The following CA8 variants were observed in gnomAD, a reference collection of about 807,000 sequenced individuals.
The protein encoded by CA8 is carbonic anhydrase 8 (inactive).
A neutral mutation model predicts 41.4 loss-of-function variants in CA8; 22 were observed. That is an observed-to-expected ratio of 0.53 (90% CI 0.38 to 0.76). The LOEUF is 0.76. CA8 is among the 30% of genes least tolerant of loss of function. The pLI is 0.00. For synonymous variants in CA8, 121 were observed against 130.6 expected (o/e 0.93, Z 0.50); for missense variants, 270 against 352.8 (o/e 0.77, Z 1.88).
intron 3 of CA8, among the ~76,000 whole-genome samples, chr8:60,263,562 C>A (rs1317821528): frequency 1.3e-5 from 2 of 151,972 alleles, no homozygotes; most frequent in African/African-American, 2.4e-5. Context: ...GGAAAAAAAA[C>A]CATGTTCCCA....
intron 4 of CA8, among the ~76,000 whole-genome samples, chr8:60,230,352 G>T (rs945387907): frequency 6.6e-6 from 1 of 152,070 alleles, no homozygotes; most frequent in East Asian, 1.9e-4. Flanking sequence ...TAATCTCTAT[G>T]TCTGCAATAG....
At chr8:60,230,507 G>A (rs866629319) in intron 4 of CA8, among the ~76,000 whole-genome samples, 7 of 151,694 alleles carry the variant, frequency 4.6e-5, no homozygotes, top group African/African-American at 1.2e-4. Context: ...CAATGTCTCC[G>A]ACCTCCTCCC....
chr8:60,276,676 T>A (rs1804246411), intron 2 of CA8, among the ~76,000 whole-genome samples: 1 of 152,078 alleles, frequency 6.6e-6, no homozygotes, highest in Non-Finnish European at 1.5e-5. Flanking sequence ...TGGGTGACAG[T>A]TACACTAAAA....
At chr8:60,256,479 A>G (rs912077706) in intron 3 of CA8, among the ~76,000 whole-genome samples, 5 of 152,212 alleles carry the variant, frequency 3.3e-5, no homozygotes, top group Non-Finnish European at 1.5e-5. Flanking sequence ...TGGTGTGTAG[A>G]ACCCTACAAA....
At chr8:60,197,494 C>T (rs943892074) in intron 8 of CA8, among the ~76,000 whole-genome samples, 5 of 152,056 alleles carry the variant, frequency 3.3e-5, no homozygotes, top group East Asian at 1.9e-4. Context: ...AACCACCCTA[C>T]GAGGTAAATA....
intron 3 of CA8, among the ~76,000 whole-genome samples, chr8:60,243,469 C>T (rs1808113248): frequency 1.3e-5 from 2 of 152,020 alleles, no homozygotes; most frequent in South Asian, 4.2e-4. Context: ...CACATACCCT[C>T]CTACTACTTT....
Position 60,222,692 on chromosome 8 carries a change from G to A in CA8, c.695C>T (p.Thr232Ile). Residue 232 changes from threonine to isoleucine, a missense_variant, in exon 7 of 9, where the codon ACC (threonine) becomes ATC (isoleucine). Thr to Ile is a moderately conservative substitution (Grantham distance 89). This residue lies in a region of CA8 where 141 missense variants were observed against 191.6 expected (regional missense o/e 0.74). Coordinates refer to ENST00000317995, the MANE Select transcript of CA8 (RefSeq NM_004056.6). Reference protein sequence around the residue: ...LTIPPCSEGVTWILFRYPLTI... With the variant: ...LTIPPCSEGVIWILFRYPLTI... ...TAAAGGGTATCGGAATAATATCCAG[G>A]TGACACCTTCACTGCAAGGTGGGAT... 1 of 1,613,552 alleles carries A rather than the reference G, an allele frequency of 6.2e-7. No homozygotes were observed. The highest frequency in any genetic ancestry group is 8.5e-7 in the Non-Finnish European group (1 of 1,179,448).
chr8:60,264,493 C>G (rs1392726321), intron 3 of CA8, among the ~76,000 whole-genome samples: 1 of 152,164 alleles, frequency 6.6e-6, no homozygotes, highest in Non-Finnish European at 1.5e-5. Flanking sequence ...TTGATGCATT[C>G]TGGTATGAAT....
chr8:60,191,371 C>T (rs1806123522), intron 8 of CA8, among the ~76,000 whole-genome samples: 1 of 151,846 alleles, frequency 6.6e-6, no homozygotes, highest in African/African-American at 2.4e-5. Flanking sequence ...GTTAATGGGG[C>T]CTAAAGGTCA....
At chr8:60,275,892 T>C (rs1327468340) in intron 2 of CA8, among the ~76,000 whole-genome samples, 1 of 152,168 alleles carries the variant, frequency 6.6e-6, no homozygotes, top group African/African-American at 2.4e-5. Flanking sequence ...CGGCGCTAGA[T>C]CTTTCAACTG....
intron 8 of CA8, among the ~76,000 whole-genome samples, chr8:60,200,140 TGTGAGGACACA>T (rs1806381594): frequency 6.6e-6 from 1 of 152,234 alleles, no homozygotes; most frequent in African/African-American, 2.4e-5. Context: ...CCTTCTACCA[TGTGAGGACACA>T]GTGAGAAGGC....
chr8:60,266,037 C>A lies in CA8; in HGVS notation c.305G>T (p.Gly102Val). ...AAATTCATGCCCTTGAGGCAATGGT[C>A]CTCCCGAAAGAACTGAAAAAGAAAA... ...ILKSKSVLSG[G>V]PLPQGHEFEL... Residue 102 changes from glycine to valine, a missense_variant, in exon 3 of 9, where the codon GGA (glycine) becomes GTA (valine). Transcript: ENST00000317995. 6.2e-7 allele frequency: 1 copy of A among 1,613,678 alleles called. No homozygotes were observed. Among genetic ancestry groups the A allele is most frequent in the Non-Finnish European group, 8.5e-7 (1 of 1,179,680 alleles).
At chr8:60,261,018 T>A (rs1405762030) in intron 3 of CA8, among the ~76,000 whole-genome samples, 2 of 152,026 alleles carry the variant, frequency 1.3e-5, no homozygotes, top group African/African-American at 4.8e-5. Context: ...GGAGCAGCAA[T>A]CTTAAAGACC....
At chr8:60,204,959 A>G (rs1200134737) in intron 8 of CA8, among the ~76,000 whole-genome samples, 2 of 152,158 alleles carry the variant, frequency 1.3e-5, no homozygotes, top group Non-Finnish European at 2.9e-5. Context: ...TAGGTTATCA[A>G]AGAAGACTGA....
intron 7 of CA8, among the ~76,000 whole-genome samples, chr8:60,214,043 T>C (rs1806932419): frequency 6.6e-6 from 1 of 152,222 alleles, no homozygotes; most frequent in Non-Finnish European, 1.5e-5. Flanking sequence ...CAGCAATCTG[T>C]GCTTCAACAA....
At chr8:60,230,197 C>A (rs1585879506) in intron 4 of CA8, among the ~76,000 whole-genome samples, 1 of 152,320 alleles carries the variant, frequency 6.6e-6, no homozygotes, top group African/African-American at 2.4e-5. Flanking sequence ...TGTGTCCACA[C>A]TTTCCTCCTG....
intron 7 of CA8, among the ~76,000 whole-genome samples, chr8:60,220,749 A>T (rs10103858): frequency 0.35 from 52,466 of 151,954 alleles, 9,680 homozygotes; most frequent in Admixed American, 0.43. Flanking sequence ...TCTTCTTGGG[A>T]ATGAAGCTAG....
chr8:60,241,271 A>G (rs1392723990), intron 3 of CA8, among the ~76,000 whole-genome samples: 1 of 152,232 alleles, frequency 6.6e-6, no homozygotes, highest in Non-Finnish European at 1.5e-5. Flanking sequence ...TCGAAATTCT[A>G]TCTCTAGCTA....
In CA8 at chr8:60,206,969, C is replaced by A. The variant is rs114820076; in HGVS notation, c.*35+1781G>T. 2.6e-5 allele frequency among the ~76,000 whole-genome samples: 4 copies of A among 152,152 alleles called. No individual in the cohort carries two copies. The South Asian group carries it at 6.2e-4, about 24-fold the overall frequency. ...AAAAAAAAAAAGACTTCTTCAATCCCACCCCGTCTCTGTTGCTGCGGCCTC... is the reference window on the plus strand; with the variant it reads ...AAAAAAAAAAAGACTTCTTCAATCCAACCCCGTCTCTGTTGCTGCGGCCTC... On this transcript the variant is annotated intron_variant, in intron 8 of 8. Transcript: ENST00000317995.
Sources: gnomAD v4.1 joint callset for allele counts (sites outside exome capture counted in the v4.1 genomes callset) on GRCh38, gnomAD v4.1.1 for gene constraint, gnomAD v4.1.1 regional missense constraint, MANE v1.5 for transcripts, NCBI Gene and HGNC (gene_info 2026-07-23, HGNC 2026-07-21) for gene names.